The following AGPAT3 variants were observed in gnomAD, a reference collection of about 807,000 sequenced individuals.
AGPAT3 encodes the protein 1-acyl-sn-glycerol-3-phosphate acyltransferase gamma.
In AGPAT3, 5 loss-of-function variants were observed where a neutral mutation model predicts 47.3. That is an observed-to-expected ratio of 0.11 (90% confidence interval 0.06 to 0.22). The LOEUF (loss-of-function observed/expected upper bound fraction) is 0.22, where lower values mean the gene tolerates loss of function less well. Ranked by LOEUF, AGPAT3 falls within the 10% of genes least tolerant of loss-of-function variation. The pLI is 1.00. For synonymous variants in AGPAT3, 212 were observed against 208.3 expected, an observed-to-expected ratio of 1.02 and a Z score of -0.15; for missense variants, 315 against 493.0, an observed-to-expected ratio of 0.64 and a Z score of 3.42.
At chr21:43,935,415 G>A (rs2146314625) in intron 2 of AGPAT3, among the ~76,000 whole-genome samples, 1 of 152,366 alleles carries the variant, frequency 6.6e-6, no homozygotes, top group South Asian at 2.1e-4. Flanking sequence ...GCCTGGCCCT[G>A]GCAGGCATGA....
At chr21:43,980,908 T>A in intron 8 of AGPAT3, 81 bp from the exon 9 acceptor site, 106 of 1,250,008 alleles carry the variant, frequency 8.5e-5, no homozygotes, top group Non-Finnish European at 1.1e-4. Context: ...TCGTTTTTCA[T>A]TGCCAACAAT....
At chr21:43,904,916 T>C (rs771034115) in intron 2 of AGPAT3, among the ~76,000 whole-genome samples, 1 of 152,158 alleles carries the variant, frequency 6.6e-6, no homozygotes, top group Non-Finnish European at 1.5e-5. Flanking sequence ...GCCCAGTTCT[T>C]GGTAGGCAGG....
intron 3 of AGPAT3, chr21:43,964,975 C>G (rs2089054146): frequency 6.2e-6 from 1 of 160,290 alleles, no homozygotes; most frequent in Non-Finnish European, 1.3e-5. Flanking sequence ...GTCGCCCAGG[C>G]TGGAGTGCAG....
In AGPAT3 at chr21:43,981,717, G is replaced by A. The variant is rs939136787; in HGVS notation, c.1042+530G>A. ...CGGCGCCCACCCACACCCCGTAATTGAGGGGTCTCTGTCCGTGGAGACACA... is the reference window on the plus strand; with the variant it reads ...CGGCGCCCACCCACACCCCGTAATTAAGGGGTCTCTGTCCGTGGAGACACA... On this transcript the variant is annotated intron_variant, in intron 9 of 9. Transcript: ENST00000291572. This position sits in a 1 kb window ranked among gnomAD's most constrained non-coding sequence, Gnocchi z 5.3. Among the ~76,000 whole-genome samples the A allele has an allele frequency of 2.0e-5, 3 of 152,054 alleles. No homozygotes were observed. In the East Asian group the frequency reaches 5.8e-4, roughly 30 times the overall value.
chr21:43,900,304 G>C (rs1365290264), intron 1 of AGPAT3, among the ~76,000 whole-genome samples: 1 of 152,202 alleles, frequency 6.6e-6, no homozygotes, highest in African/African-American at 2.4e-5. Flanking sequence ...TCTAGCCATG[G>C]TGGAAGATAC....
intron 2 of AGPAT3, among the ~76,000 whole-genome samples, chr21:43,906,913 T>G (rs1295624498): frequency 6.6e-6 from 1 of 151,916 alleles, no homozygotes; most frequent in Non-Finnish European, 1.5e-5. Flanking sequence ...CCCTCGTAAG[T>G]GCAGCACAGA....
chr21:43,949,358 C>T (rs926084905), intron 2 of AGPAT3, among the ~76,000 whole-genome samples: 12 of 152,190 alleles, frequency 7.9e-5, no homozygotes, highest in Admixed American at 3.9e-4. Context: ...GAGTGGCTGT[C>T]GTCAGCTAGA....
chr21:43,948,927 G>T (rs1023882547), intron 2 of AGPAT3, among the ~76,000 whole-genome samples: 8 of 152,186 alleles, frequency 5.3e-5, no homozygotes, highest in African/African-American at 1.9e-4. Context: ...CCAGACAGCT[G>T]CTCCTAGTCA....
chr21:43,877,097 G>T (rs188286909), intron 1 of AGPAT3, among the ~76,000 whole-genome samples: 76 of 152,290 alleles, frequency 5.0e-4, no homozygotes, highest in African/African-American at 1.2e-3. Context: ...GAGCTCAGGG[G>T]ATCCGCTTGC....
chr21:43,919,346 A>G (rs1259316751), intron 2 of AGPAT3, among the ~76,000 whole-genome samples: 1 of 151,966 alleles, frequency 6.6e-6, no homozygotes, highest in Non-Finnish European at 1.5e-5. Context: ...ATATCACTCT[A>G]TGTTTTTGCG....
chr21:43,870,586 G>T (rs2085604249), intron 1 of AGPAT3, among the ~76,000 whole-genome samples: 1 of 151,828 alleles, frequency 6.6e-6, no homozygotes, highest in South Asian at 2.1e-4. Context: ...AACCAGGTGT[G>T]GTGGCGCATG....
rs575780194 is a variant in AGPAT3, at chr21:43,920,572, C to T, written c.-49+16553C>T. On this transcript the variant is annotated intron_variant, in intron 2 of 9. Transcript: ENST00000291572. The surrounding 1 kb of genome is among the most constrained non-coding windows in gnomAD (Gnocchi z 6.1). ...TGTAATTAGAGGTTGGGACTCCACC[C>T]GTGGACCTCTGGGGAGGGGAGGGAG... Among the ~76,000 whole-genome samples, 2 of 152,178 alleles carry T rather than the reference C, an allele frequency of 1.3e-5. No homozygotes were observed. The highest frequency in any genetic ancestry group is 2.1e-4 in the South Asian group (1 of 4,814).
In AGPAT3 at chr21:43,970,867, T is replaced by A; in HGVS notation, c.664+61T>A. 7.2e-7 allele frequency: 1 copy of A among 1,392,194 alleles called. No homozygotes were observed. Among genetic ancestry groups the A allele is most frequent in the Non-Finnish European group, 9.3e-7 (1 of 1,074,782 alleles). 86.2% of individuals were successfully genotyped at this position (1,392,194 alleles called of 1,614,324 possible). A position where few individuals can be genotyped will look rare whatever the true frequency, so the allele number is the denominator to read the frequency against. On this transcript the variant is annotated intron_variant, in intron 6 of 9. Coordinates refer to ENST00000291572, the MANE Select transcript of AGPAT3 (RefSeq NM_020132.5). The surrounding 1 kb of genome is among the most constrained non-coding windows in gnomAD (Gnocchi z 5.8). ...ATGCTCACGGAAAATAGTGATTTCTTTAAAAAAAAAAAAAATGAGTGCATT... is the reference window on the plus strand; with the variant it reads ...ATGCTCACGGAAAATAGTGATTTCTATAAAAAAAAAAAAAATGAGTGCATT...
chr21:43,964,765 G>A (rs1030413956), intron 3 of AGPAT3, among the ~76,000 whole-genome samples: 5 of 152,158 alleles, frequency 3.3e-5, no homozygotes, highest in African/African-American at 1.2e-4. Flanking sequence ...CTGGGCTTGC[G>A]TGGGTATGTG....
At chr21:43,968,144 G>A in intron 4 of AGPAT3, 29 bp downstream of exon 4, 3 of 1,604,414 alleles carry the variant, frequency 1.9e-6, no homozygotes, top group Non-Finnish European at 2.6e-6. Flanking sequence ...AGGGCCACGG[G>A]TGAGCAGGAG....
intron 1 of AGPAT3, among the ~76,000 whole-genome samples, chr21:43,865,835 A>AC (rs1015211805): frequency 2.5e-4 from 37 of 149,584 alleles, no homozygotes; most frequent in Middle Eastern, 3.6e-3. Flanking sequence ...CGGACCCGGG[A>AC]CCCCCCCCAG....
At chr21:43,958,735 ATG>A (rs2088622432) in intron 2 of AGPAT3, among the ~76,000 whole-genome samples, 1 of 108,616 alleles carries the variant, frequency 9.2e-6, no homozygotes, top group Middle Eastern at 7.8e-3. Context: ...TGTGTGTGGC[ATG>A]TGTGTGGTTT....
rs545635212 is a variant in AGPAT3, at chr21:43,954,221, C to T, written c.-48-5413C>T. 7.0e-4 allele frequency among the ~76,000 whole-genome samples: 106 copies of T among 152,344 alleles called. 1 individual carries two copies. Among genetic ancestry groups the T allele is most frequent in the Non-Finnish European group, 1.2e-3 (84 of 68,028 alleles). The stretch of plus-strand genomic sequence containing the variant: ...TGGCCAAGCAGGGCACCTTCCTCAC[C>T]GTCACCCTTCTGCAGGGAGGGAGGT... On this transcript the variant is annotated intron_variant, in intron 2 of 9. Coordinates refer to ENST00000291572, the MANE Select transcript of AGPAT3 (RefSeq NM_020132.5). This position sits in a 1 kb window ranked among gnomAD's most constrained non-coding sequence, Gnocchi z 4.0.
At chr21:43,956,981 G>T (rs375034773) in intron 2 of AGPAT3, among the ~76,000 whole-genome samples, 1 of 152,170 alleles carries the variant, frequency 6.6e-6, no homozygotes, top group African/African-American at 2.4e-5. Flanking sequence ...TCCACCTTTC[G>T]AGGGGAGGAG....
Sources: gnomAD v4.1 joint callset for allele counts (sites outside exome capture counted in the v4.1 genomes callset) on GRCh38, gnomAD v4.1.1 for gene constraint, Gnocchi (gnomAD v3.1) non-coding constraint, MANE v1.5 for transcripts, NCBI Gene and HGNC (gene_info 2026-07-23, HGNC 2026-07-21) for gene names.